The following PLCXD3 variants were observed in gnomAD, a reference collection of about 807,000 sequenced individuals.
PLCXD3 encodes phosphatidylinositol specific phospholipase C X domain containing 3.
Under a neutral mutation model 25.5 loss-of-function variants are expected in PLCXD3, and 19 were observed. That is an observed-to-expected ratio of 0.75 (90% confidence interval 0.52 to 1.09). The LOEUF (loss-of-function observed/expected upper bound fraction) is 1.09. Among genes scored for constraint, PLCXD3 ranks in the 50% least tolerant of loss-of-function variants. The pLI is 0.00. For missense variants in PLCXD3, 411 were observed against 388.1 expected, an observed-to-expected ratio of 1.06 and a Z score of -0.50; for synonymous variants, 174 against 137.6, an observed-to-expected ratio of 1.26 and a Z score of -1.85.
intron 1 of PLCXD3, among the ~76,000 whole-genome samples, chr5:41,485,221 A>G (rs1362413789): frequency 1.3e-5 from 2 of 152,208 alleles, no homozygotes; most frequent in African/African-American, 4.8e-5. Context: ...TAACACACCC[A>G]AAATCACACA....
At position 41,357,804 on chromosome 5, in the gene PLCXD3, AAAAC is replaced by A. The variant is rs199894899; in HGVS notation, c.812+24018_812+24021del. ...AAAGCTATAATATTAGTGTTAGAGA[AAAAC>A]AAAACCCCAAGATATTTGTTGCAAT... On this transcript the variant is annotated intron_variant, in intron 2 of 2. Transcript: ENST00000377801. Among the ~76,000 whole-genome samples the A allele has an allele frequency of 2.4e-3, 367 of 152,376 alleles. 1 individual carries two copies. Among genetic ancestry groups the A allele is most frequent in the African/African-American group, 8.4e-3 (349 of 41,594 alleles).
At chr5:41,463,521 C>T (rs1040352860) in intron 1 of PLCXD3, among the ~76,000 whole-genome samples, 12 of 151,978 alleles carry the variant, frequency 7.9e-5, no homozygotes, top group African/African-American at 2.7e-4. Context: ...GGGACACAAA[C>T]GTTCAATCCA....
In PLCXD3 at chr5:41,494,018, G is replaced by A. The variant is rs191973593; in HGVS notation, c.103+16406C>T. Among the ~76,000 whole-genome samples, 481 of 152,326 alleles carry A rather than the reference G, an allele frequency of 3.2e-3. 2 individuals are homozygous for A. The highest frequency in any genetic ancestry group is 5.3e-3 in the Non-Finnish European group (358 of 68,026). ...TCAGATGGAAATGCAGAAATCACCC[G>A]TGTTCTGCGTTGCTCACGCTGGGAG... On this transcript the variant is annotated intron_variant, in intron 1 of 2. Transcript: ENST00000377801.
intron 1 of PLCXD3, among the ~76,000 whole-genome samples, chr5:41,436,954 C>G (rs1449534865): frequency 6.6e-6 from 1 of 152,178 alleles, no homozygotes; most frequent in Non-Finnish European, 1.5e-5. Context: ...TTCATTCTTT[C>G]TAAAAGCTCT....
At chr5:41,340,262 G>A (rs1744101755) in intron 2 of PLCXD3, among the ~76,000 whole-genome samples, 2 of 152,084 alleles carry the variant, frequency 1.3e-5, no homozygotes, top group Admixed American at 6.6e-5. Context: ...CTCACTGCAC[G>A]TAGTGTCCCT....
chr5:41,319,714 G>GA (rs951122677), intron 2 of PLCXD3, among the ~76,000 whole-genome samples: 2 of 150,812 alleles, frequency 1.3e-5, no homozygotes, highest in Non-Finnish European at 3.0e-5. Context: ...AGAAAACCAA[G>GA]AAAAAACCAA....
intron 1 of PLCXD3, among the ~76,000 whole-genome samples, chr5:41,388,339 A>C (rs921787107): frequency 6.6e-6 from 1 of 152,100 alleles, no homozygotes; most frequent in Non-Finnish European, 1.5e-5. Context: ...AAACATGTGC[A>C]CTTCTATTTT....
chr5:41,351,324 C>T (rs527689528), intron 2 of PLCXD3, among the ~76,000 whole-genome samples: 15 of 152,270 alleles, frequency 9.9e-5, no homozygotes, highest in South Asian at 2.1e-4. Context: ...GTATATCACA[C>T]GAATGTCTCT....
rs1743073023 is a variant in PLCXD3 at position 41,309,428 on chromosome 5, A to C, written c.*4189T>G. The C allele has an allele frequency of 6.6e-6, 1 of 152,598 alleles. No individual in the cohort carries two copies. 9.5% of individuals were successfully genotyped at this position (152,598 alleles called of 1,614,324 possible). A position where few individuals can be genotyped will look rare whatever the true frequency, so the allele number is the denominator to read the frequency against. ...AGTGCTGTAAAATAAAATGCTCTTA[A>C]AAACCTTGTTTAGCATATCCTGAGG... On this transcript the variant is annotated 3_prime_UTR_variant, in exon 3 of 3. Transcript: ENST00000377801.
chr5:41,318,918 T>C (rs1354828737), intron 2 of PLCXD3, among the ~76,000 whole-genome samples: 1 of 151,962 alleles, frequency 6.6e-6, no homozygotes, highest in Non-Finnish European at 1.5e-5. Flanking sequence ...TCCACACCAC[T>C]GGAAACAAGC....
At chr5:41,493,587 C>T (rs1748758344) in intron 1 of PLCXD3, among the ~76,000 whole-genome samples, 1 of 152,228 alleles carries the variant, frequency 6.6e-6, no homozygotes, top group African/African-American at 2.4e-5. Flanking sequence ...TGGGCTCCAC[C>T]CAGTTCGAGC....
intron 1 of PLCXD3, among the ~76,000 whole-genome samples, chr5:41,406,917 G>A (rs1199139666): frequency 1.3e-5 from 2 of 152,064 alleles, no homozygotes; most frequent in East Asian, 3.8e-4. Flanking sequence ...TTTTGACTTG[G>A]TAATGTATTT....
intron 1 of PLCXD3, among the ~76,000 whole-genome samples, chr5:41,402,899 A>G (rs947363456): frequency 2.0e-5 from 3 of 152,100 alleles, no homozygotes; most frequent in Non-Finnish European, 4.4e-5. Flanking sequence ...TTTAGATATA[A>G]AATGAGTTTC....
At chr5:41,387,519 G>C (rs1745675048) in intron 1 of PLCXD3, among the ~76,000 whole-genome samples, 1 of 152,220 alleles carries the variant, frequency 6.6e-6, no homozygotes, top group Non-Finnish European at 1.5e-5. Context: ...ATTATTGCAA[G>C]TATTCTGTAA....
rs1743183490 is a variant in PLCXD3 at position 41,313,092 on chromosome 5, T to G, written c.*525A>C. 1 of 152,806 alleles carries G rather than the reference T, an allele frequency of 6.5e-6. No homozygotes were observed. Among genetic ancestry groups the G allele is most frequent in the African/African-American group, 2.4e-5 (1 of 41,422 alleles). The allele number at this position is 152,806 out of a possible 1,614,324, so 9.5% of individuals were successfully genotyped here. On this transcript the variant is annotated 3_prime_UTR_variant, in exon 3 of 3. Coordinates refer to ENST00000377801, the MANE Select transcript of PLCXD3 (RefSeq NM_001005473.3). ...ATGCAGATTTTCTATGACCAAAAAT[T>G]AGCTATGATTGCCCAACTGTGGATG...
chr5:41,494,519 G>T (rs1328729362), intron 1 of PLCXD3, among the ~76,000 whole-genome samples: 1 of 152,186 alleles, frequency 6.6e-6, no homozygotes, highest in Non-Finnish European at 1.5e-5. Context: ...CCTAGATTTT[G>T]GGCTTGGGAA....
intron 1 of PLCXD3, among the ~76,000 whole-genome samples, chr5:41,400,969 T>A (rs1746166515): frequency 6.6e-6 from 1 of 150,882 alleles, no homozygotes; most frequent in African/African-American, 2.4e-5. Flanking sequence ...TAAATCTACA[T>A]ACCTATTATG....
At chr5:41,428,356 G>A (rs1198248472) in intron 1 of PLCXD3, among the ~76,000 whole-genome samples, 1 of 149,302 alleles carries the variant, frequency 6.7e-6, no homozygotes, top group Non-Finnish European at 1.5e-5. Context: ...CTTTAAAGAG[G>A]TGATTAAGTT....
At chr5:41,403,415 T>TTTTGTTTTTG (rs1452997209) in intron 1 of PLCXD3, among the ~76,000 whole-genome samples, 6 of 36,820 alleles carry the variant, frequency 1.6e-4, no homozygotes, top group Admixed American at 5.3e-4. Context: ...TTTTTTTTTT[T>TTTTGTTTTTG]TATTATACTC....
Sources: allele counts gnomAD v4.1 joint callset (sites outside exome capture counted in the v4.1 genomes callset), GRCh38; gene constraint gnomAD v4.1.1; transcripts MANE v1.5; gene names NCBI Gene and HGNC (gene_info 2026-07-23, HGNC 2026-07-21).